GIPC2: variants seen among roughly 807,000 people sequenced by gnomAD.
GIPC2 encodes PDZ domain-containing protein GIPC2.
Under a neutral mutation model 30.6 loss-of-function variants are expected in GIPC2, and 30 were observed. The observed-to-expected ratio is 0.98, with a 90% CI of 0.73 to 1.33. The LOEUF is 1.33. GIPC2 is among the 40% of genes most tolerant of loss of function. The probability of loss-of-function intolerance (pLI) is 0.00; values close to 1 mark genes in which losing one functional copy is unlikely to be tolerated. For synonymous variants in GIPC2, 167 were observed against 150.0 expected (o/e 1.11, Z -0.83); for missense variants, 414 against 390.3 (o/e 1.06, Z -0.51).
intron 1 of GIPC2, among the ~76,000 whole-genome samples, chr1:78,048,537 C>T (rs1302879612): frequency 6.6e-6 from 1 of 152,000 alleles, no homozygotes. Context: ...AGCAATCCTC[C>T]TGCTTCACCC....
intron 1 of GIPC2, among the ~76,000 whole-genome samples, chr1:78,070,831 A>G (rs1188979464): frequency 6.6e-6 from 1 of 152,126 alleles, no homozygotes; most frequent in Non-Finnish European, 1.5e-5. Context: ...CTCATTAGTA[A>G]TACTGAAAAA....
intron 2 of GIPC2, among the ~76,000 whole-genome samples, chr1:78,086,428 G>C (rs1661928846): frequency 6.6e-6 from 1 of 152,086 alleles, no homozygotes; most frequent in Non-Finnish European, 1.5e-5. Flanking sequence ...TTCTATAGAG[G>C]TCTTTCAGAT....
intron 3 of GIPC2, among the ~76,000 whole-genome samples, chr1:78,100,949 C>T (rs1219262383): frequency 0.026 from 3,224 of 126,158 alleles, 44 homozygotes; most frequent in African/African-American, 0.037. Context: ...AATACACACA[C>T]ACACACACAC....
chr1:78,126,051 G>C (rs1240759392), intron 5 of GIPC2, 89 bp downstream of exon 5: 1 of 628,944 alleles, frequency 1.6e-6, no homozygotes, highest in African/African-American at 1.9e-5. Context: ...TTATACTTTT[G>C]AAGATAACAA....
chr1:78,128,413 G>T lies in GIPC2; in HGVS notation c.796+2451G>T, dbSNP rs1426971459. Among the ~76,000 whole-genome samples, 5 of 152,136 alleles carry T rather than the reference G, an allele frequency of 3.3e-5. No homozygotes were observed. In the East Asian group the frequency reaches 9.6e-4, roughly 29 times the overall value. ...GTCTGGAGTGAATCACAGACACAGG[G>T]CCTAGGAAAAGATCTAACTAGGAAT... On this transcript the variant is annotated intron_variant, in intron 5 of 5. Transcript: ENST00000370759.
Position 78,135,889 on chromosome 1 carries a change from G to T in GIPC2, c.*146G>T. 1 of 614,308 alleles carries T rather than the reference G, an allele frequency of 1.6e-6. No individual in the cohort carries two copies. The allele number at this position is 614,308 out of a possible 1,614,324, so 38.1% of individuals were successfully genotyped here. A position where few individuals can be genotyped will look rare whatever the true frequency, so the allele number is the denominator to read the frequency against. On this transcript the variant is annotated 3_prime_UTR_variant, in exon 6 of 6. Coordinates refer to ENST00000370759, the MANE Select transcript of GIPC2 (RefSeq NM_017655.6). ...AATATATTCTTTGAAATATAATTTT[G>T]GTAATTTTGATTTCTGGGCACTTTT...
At chr1:78,082,937 TAC>T (rs5775442) in intron 2 of GIPC2, among the ~76,000 whole-genome samples, 128,067 of 150,972 alleles carry the variant, frequency 0.85, 54,432 homozygotes, top group East Asian at 0.91. Context: ...TTCTGTCTCA[TAC>T]ACACACATAT....
chr1:78,090,215 G>C (rs1018156073), intron 2 of GIPC2, among the ~76,000 whole-genome samples: 2 of 152,118 alleles, frequency 1.3e-5, no homozygotes, highest in African/African-American at 4.8e-5. Context: ...TATTTATTGA[G>C]ACGGAGTCTC....
chr1:78,047,247 G>C (rs185003374), intron 1 of GIPC2, among the ~76,000 whole-genome samples: 30 of 152,286 alleles, frequency 2.0e-4, no homozygotes, highest in African/African-American at 6.7e-4. Flanking sequence ...ACATTTCTAG[G>C]AAAAGCATAT....
At chr1:78,085,146 TTGAATTTTA>T (rs1252580612) in intron 2 of GIPC2, among the ~76,000 whole-genome samples, 1 of 152,176 alleles carries the variant, frequency 6.6e-6, no homozygotes. Context: ...ATGAAGGGTG[TTGAATTTTA>T]TCAAAAGCCT....
At position 78,137,238 on chromosome 1, in the gene GIPC2, G is replaced by C. The variant is rs1349119139; in HGVS notation, c.*1495G>C. The C allele has an allele frequency of 6.6e-6, 1 of 152,074 alleles. No homozygotes were observed. The highest frequency in any genetic ancestry group is 1.5e-5 in the Non-Finnish European group (1 of 67,996). 9.4% of individuals were successfully genotyped at this position (152,074 alleles called of 1,614,324 possible). On this transcript the variant is annotated 3_prime_UTR_variant, in exon 6 of 6. Coordinates refer to ENST00000370759, the MANE Select transcript of GIPC2 (RefSeq NM_017655.6). ...CATTTGAAAATAAAATCCAGCTCAGGTTGTAACTTGTTGGTACTCGTTTAG... is the reference window on the plus strand; with the variant it reads ...CATTTGAAAATAAAATCCAGCTCAGCTTGTAACTTGTTGGTACTCGTTTAG...
rs201451306 is a variant in GIPC2 at position 78,063,911 on chromosome 1, A to AAG, written c.241-16763_241-16762insGA. The stretch of plus-strand genomic sequence containing the variant: ...TGTCTCAAAAAGACAAAAAAAAAAA[A>AAG]AAAAAAAGATGGGATTCAATTGATT... On this transcript the variant is annotated intron_variant, in intron 1 of 5. Transcript: ENST00000370759. Among the ~76,000 whole-genome samples the AAG allele has an allele frequency of 3.9e-5, 6 of 152,152 alleles. No individual in the cohort carries two copies. The East Asian group carries it at 1.2e-3, about 29-fold the overall frequency.
Position 78,052,340 on chromosome 1 carries a change from G to A in GIPC2, c.240+6006G>A, listed in dbSNP as rs1017166525. Among the ~76,000 whole-genome samples, 6 of 152,166 alleles carry A rather than the reference G, an allele frequency of 3.9e-5. No individual in the cohort carries two copies. In the South Asian group the frequency reaches 8.3e-4, roughly 21 times the overall value. On this transcript the variant is annotated intron_variant, in intron 1 of 5. Coordinates refer to ENST00000370759, the MANE Select transcript of GIPC2 (RefSeq NM_017655.6). The stretch of plus-strand genomic sequence containing the variant: ...CTTGCCCCAATAGAAGCTCCACAAA[G>A]GCAAGGATTTTTGTCTTTGTTTACT...
At chr1:78,076,746 C>T (rs933997029) in intron 1 of GIPC2, among the ~76,000 whole-genome samples, 2 of 151,972 alleles carry the variant, frequency 1.3e-5, no homozygotes, top group Non-Finnish European at 2.9e-5. Context: ...AAGATAAAAT[C>T]CCTACCTACT....
At chr1:78,060,900 CT>C (rs34398214) in intron 1 of GIPC2, among the ~76,000 whole-genome samples, 13,675 of 145,208 alleles carry the variant, frequency 0.094, 887 homozygotes, top group Non-Finnish European at 0.14. Context: ...ACTTTATCTT[CT>C]TTTTTTTTTT....
intron 2 of GIPC2, among the ~76,000 whole-genome samples, chr1:78,083,336 T>C (rs1021953564): frequency 6.6e-6 from 1 of 152,132 alleles, no homozygotes; most frequent in Admixed American, 6.5e-5. Flanking sequence ...GGTAGGAAAA[T>C]TACATAAGTG....
At chr1:78,128,597 C>T (rs923616697) in intron 5 of GIPC2, among the ~76,000 whole-genome samples, 7 of 152,072 alleles carry the variant, frequency 4.6e-5, no homozygotes, top group Admixed American at 4.6e-4. Context: ...TGGTATTTTT[C>T]CATACAGGAG....
At chr1:78,084,153 C>G (rs1232028913) in intron 2 of GIPC2, among the ~76,000 whole-genome samples, 1 of 152,178 alleles carries the variant, frequency 6.6e-6, no homozygotes, top group Non-Finnish European at 1.5e-5. Context: ...TGTGCTCATA[C>G]ATTGCTATTG....
chr1:78,117,523 A>G (rs1335652106), intron 3 of GIPC2, among the ~76,000 whole-genome samples: 2 of 152,244 alleles, frequency 1.3e-5, no homozygotes, highest in East Asian at 1.9e-4. Flanking sequence ...CCTCACATGC[A>G]CAATTCACAG....
Sources: gnomAD v4.1 joint callset for allele counts (sites outside exome capture counted in the v4.1 genomes callset) on GRCh38, gnomAD v4.1.1 for gene constraint, MANE v1.5 for transcripts, NCBI Gene and HGNC (gene_info 2026-07-23, HGNC 2026-07-21) for gene names.